GABRA4: variants seen among roughly 807,000 people sequenced by gnomAD.
GABRA4 encodes the protein gamma-aminobutyric acid receptor subunit alpha-4.
A neutral mutation model predicts 49.7 loss-of-function variants in GABRA4; 12 were observed. The ratio of observed to expected loss-of-function variants is 0.24; its 90% CI spans 0.15 to 0.39. GABRA4 has a LOEUF of 0.39. Ranked by LOEUF, GABRA4 falls within the 10% of genes least tolerant of loss-of-function variation. The pLI is 1.00. For synonymous variants in GABRA4, 288 were observed against 240.2 expected (o/e 1.20, Z -1.84); for missense variants, 506 against 686.0 (o/e 0.74, Z 2.93).
intron 7 of GABRA4, among the ~76,000 whole-genome samples, chr4:46,965,647 G>A (rs1722728902): frequency 6.6e-6 from 1 of 151,768 alleles, no homozygotes; most frequent in Non-Finnish European, 1.5e-5. Flanking sequence ...ACTCACTGAA[G>A]CACTGACTCT....
intron 7 of GABRA4, among the ~76,000 whole-genome samples, chr4:46,969,302 A>G (rs1300298612): frequency 6.6e-6 from 1 of 151,604 alleles, no homozygotes; most frequent in Non-Finnish European, 1.5e-5. Flanking sequence ...AAAATATAAT[A>G]GAAACTTCTG....
intron 8 of GABRA4, among the ~76,000 whole-genome samples, chr4:46,930,075 G>T (rs923267932): frequency 5.3e-5 from 8 of 151,998 alleles, no homozygotes; most frequent in Non-Finnish European, 2.9e-5. Flanking sequence ...TGACTTCAAG[G>T]TCGCTGAGTA....
chr4:46,963,205 G>T (rs560500620), intron 8 of GABRA4, among the ~76,000 whole-genome samples: 2 of 151,774 alleles, frequency 1.3e-5, no homozygotes, highest in South Asian at 2.1e-4. Flanking sequence ...ATCTGACAAA[G>T]GATTAAGAAT....
Position 46,927,859 on chromosome 4 carries a change from A to G in GABRA4, c.*366T>C. 5.9e-6 allele frequency: 1 copy of G among 169,528 alleles called. No homozygotes were observed. The highest frequency in any genetic ancestry group is 1.3e-5 in the Non-Finnish European group (1 of 78,920). 10.5% of individuals were successfully genotyped at this position (169,528 alleles called of 1,614,324 possible). ...TAAGGGTAGTGCCACTGGGAAATTT[A>G]GGGTGGCAGGTTGATACTCATAGGG... is the stretch of plus-strand genomic sequence containing the variant. On this transcript the variant is annotated 3_prime_UTR_variant, in exon 9 of 9. Coordinates refer to ENST00000264318, the MANE Select transcript of GABRA4 (RefSeq NM_000809.4).
At chr4:46,963,717 T>A (rs955087508) in intron 8 of GABRA4, among the ~76,000 whole-genome samples, 2 of 151,836 alleles carry the variant, frequency 1.3e-5, no homozygotes, top group African/African-American at 4.8e-5. Flanking sequence ...TCAACATCAC[T>A]GATCATCAGA....
intron 8 of GABRA4, among the ~76,000 whole-genome samples, chr4:46,929,668 C>A (rs1361315127): frequency 1.3e-5 from 2 of 152,082 alleles, no homozygotes; most frequent in Non-Finnish European, 2.9e-5. Flanking sequence ...ACAGTAATTT[C>A]TCAGATGTTC....
intron 8 of GABRA4, among the ~76,000 whole-genome samples, chr4:46,960,624 TC>T (rs2109369074): frequency 6.6e-6 from 1 of 151,802 alleles, no homozygotes; most frequent in African/African-American, 2.4e-5. Flanking sequence ...TCCAAATAAT[TC>T]TTAGTTCACA....
chr4:46,973,580 A>C (rs983039640), intron 6 of GABRA4, among the ~76,000 whole-genome samples: 1 of 151,774 alleles, frequency 6.6e-6, no homozygotes, highest in Non-Finnish European at 1.5e-5. Flanking sequence ...TATCATAAAA[A>C]ATATTTTTTC....
chr4:46,984,646 G>A (rs531606063), intron 2 of GABRA4, among the ~76,000 whole-genome samples: 1 of 151,852 alleles, frequency 6.6e-6, no homozygotes, highest in African/African-American at 2.4e-5. Flanking sequence ...AGTAATTCAC[G>A]GAAAGAAAAT....
chr4:46,953,402 T>C (rs1167498644), intron 8 of GABRA4, among the ~76,000 whole-genome samples: 1 of 152,134 alleles, frequency 6.6e-6, no homozygotes, highest in Non-Finnish European at 1.5e-5. Flanking sequence ...CTCCTAAACT[T>C]CTTGGAAATT....
Position 46,925,714 on chromosome 4 carries a change from ATATTATTATTATTATTAT to A in GABRA4, c.*2493_*2510del, listed in dbSNP as rs397993248. ...AATTCAGTTAAGGAAAGCAAACAAC[ATATTATTATTATTATTAT>A]TATTATTATTATTATTATTATTATT... On this transcript the variant is annotated 3_prime_UTR_variant, in exon 9 of 9. Coordinates refer to ENST00000264318, the MANE Select transcript of GABRA4 (RefSeq NM_000809.4). 9.3e-5 allele frequency: 13 copies of A among 139,376 alleles called. No individual in the cohort carries two copies. Among genetic ancestry groups the A allele is most frequent in the Middle Eastern group, 3.4e-3 (1 of 296 alleles). 8.6% of individuals were successfully genotyped at this position (139,376 alleles called of 1,614,324 possible).
chr4:46,983,328 A>G (rs1723422298), intron 2 of GABRA4, among the ~76,000 whole-genome samples: 1 of 152,074 alleles, frequency 6.6e-6, no homozygotes, highest in Non-Finnish European at 1.5e-5. Context: ...TCATGCCTTT[A>G]CTATTATTCT....
chr4:46,953,625 A>G (rs986943542), intron 8 of GABRA4, among the ~76,000 whole-genome samples: 1 of 152,168 alleles, frequency 6.6e-6, no homozygotes, highest in African/African-American at 2.4e-5. Context: ...TGATTTTTAG[A>G]GTTGACAAAA....
At position 46,926,528 on chromosome 4, in the gene GABRA4, G is replaced by A. The variant is rs1415654461; in HGVS notation, c.*1697C>T. The A allele has an allele frequency of 6.6e-6, 1 of 151,928 alleles. No individual in the cohort carries two copies. The highest frequency in any genetic ancestry group is 2.4e-5 in the African/African-American group (1 of 41,418). 9.4% of individuals were successfully genotyped at this position (151,928 alleles called of 1,614,324 possible). On this transcript the variant is annotated 3_prime_UTR_variant, in exon 9 of 9. Coordinates refer to ENST00000264318, the MANE Select transcript of GABRA4 (RefSeq NM_000809.4). The stretch of plus-strand genomic sequence containing the variant: ...TCAAAAACAACCATTATAAGGTAGT[G>A]CAATATCTGAAAAATCGATGCCAAT...
At chr4:46,952,103 G>A (rs1378199166) in intron 8 of GABRA4, among the ~76,000 whole-genome samples, 6 of 152,042 alleles carry the variant, frequency 3.9e-5, no homozygotes, top group Admixed American at 6.6e-5. Context: ...TACATTGTTT[G>A]GGATTGGTGA....
chr4:46,977,568 G>A lies in GABRA4; in HGVS notation c.336C>T (p.Gly112=), dbSNP rs1296452467. Residue 112 remains glycine (G), a synonymous_variant, in exon 4 of 9, where the codon GGC becomes GGT. Transcript: ENST00000264318. ...TGTTCAATCTCAAAATTTCAATGGGGCCGTCATATTTTAATCTTTTGTCAA... is the reference window on the plus strand; with the variant it reads ...TGTTCAATCTCAAAATTTCAATGGGACCGTCATATTTTAATCTTTTGTCAA... ...TWIDKRLKYD[G]PIEILRLNNM... is the part of the protein sequence containing the mutation. 1 of 1,613,056 alleles carries A rather than the reference G, an allele frequency of 6.2e-7. No individual in the cohort carries two copies. The highest frequency in any genetic ancestry group is 1.7e-5 in the Admixed American group (1 of 59,940).
Position 46,928,048 on chromosome 4 carries a change from T to G in GABRA4, c.*177A>C. The G allele has an allele frequency of 1.8e-6, 1 of 550,656 alleles. No homozygotes were observed. The allele number at this position is 550,656 out of a possible 1,614,324, so 34.1% of individuals were successfully genotyped here. On this transcript the variant is annotated 3_prime_UTR_variant, in exon 9 of 9. Transcript: ENST00000264318. Reference sequence around the variant, plus strand: ...AAAATAATTTTTCTGAAAAAAAACATAGTTCACTTTTTCACTCAGGAATTA... The same window carrying G: ...AAAATAATTTTTCTGAAAAAAAACAGAGTTCACTTTTTCACTCAGGAATTA...
rs1215243814 is a variant in GABRA4 at position 46,923,691 on chromosome 4, C to G, written c.*4534G>C. On this transcript the variant is annotated 3_prime_UTR_variant, in exon 9 of 9. Coordinates refer to ENST00000264318, the MANE Select transcript of GABRA4 (RefSeq NM_000809.4). The stretch of plus-strand genomic sequence containing the variant: ...GTGGCCCTCCAAACCATAGTTCACA[C>G]AATAATCAGGTGCTTTCTCTAAAAC... 1.3e-5 allele frequency: 2 copies of G among 152,090 alleles called. No individual in the cohort carries two copies. The highest frequency in any genetic ancestry group is 4.8e-5 in the African/African-American group (2 of 41,436). 9.4% of individuals were successfully genotyped at this position (152,090 alleles called of 1,614,324 possible). A position where few individuals can be genotyped will look rare whatever the true frequency, so the allele number is the denominator to read the frequency against.
Position 46,944,015 on chromosome 4 carries a change from A to C in GABRA4, c.1135-15260T>G, listed in dbSNP as rs368921662. Among the ~76,000 whole-genome samples the C allele has an allele frequency of 4.6e-5, 7 of 152,008 alleles. No homozygotes were observed. The East Asian group carries it at 1.2e-3, about 25-fold the overall frequency. ...GAGGAGATGTTGTTTAAAGGGTACA[A>C]TATTTCAGTTATGTAACATGAGTAA... On this transcript the variant is annotated intron_variant, in intron 8 of 8. Transcript: ENST00000264318.
Sources: gnomAD v4.1 joint callset for allele counts (sites outside exome capture counted in the v4.1 genomes callset) on GRCh38, gnomAD v4.1.1 for gene constraint, MANE v1.5 for transcripts, NCBI Gene and HGNC (gene_info 2026-07-23, HGNC 2026-07-21) for gene names.